ATR: variants seen among roughly 807,000 people sequenced by gnomAD.
The protein encoded by ATR is serine/threonine-protein kinase ATR.
A neutral mutation model predicts 305.3 loss-of-function variants in ATR; 142 were observed. The ratio of observed to expected loss-of-function variants is 0.47; its 90% CI spans 0.41 to 0.53. The LOEUF is 0.53. Ranked by LOEUF, ATR falls within the 20% of genes least tolerant of loss-of-function variation. ATR has a pLI of 0.00. For missense variants in ATR, 2,135 were observed against 3,133.1 expected, an observed-to-expected ratio of 0.68 and a Z score of 7.60; for synonymous variants, 1,050 against 1,068.1, an observed-to-expected ratio of 0.98 and a Z score of 0.33.
intron 21 of ATR, among the ~76,000 whole-genome samples, chr3:142,534,104 C>A (rs1343393813): frequency 6.6e-6 from 1 of 151,998 alleles, no homozygotes; most frequent in Non-Finnish European, 1.5e-5. Flanking sequence ...ATTCATAAAT[C>A]TCTGTATTAA....
intron 21 of ATR, among the ~76,000 whole-genome samples, chr3:142,527,066 G>A (rs1287815213): frequency 6.6e-6 from 1 of 152,142 alleles, no homozygotes; most frequent in East Asian, 1.9e-4. Context: ...TGGGATTACA[G>A]GCATGAGCCA....
intron 45 of ATR, 90 bp downstream of exon 45, chr3:142,457,514 A>C (rs1332250443): frequency 1.3e-6 from 2 of 1,486,996 alleles, no homozygotes; most frequent in African/African-American, 1.4e-5. Context: ...GTCAGTACAA[A>C]GTGGTTTCTA....
At chr3:142,472,317 T>C (rs1385510784) in intron 36 of ATR, 1 of 152,214 alleles carries the variant, frequency 6.6e-6, no homozygotes, top group Non-Finnish European at 1.5e-5. Flanking sequence ...ATGATATTTC[T>C]ATTTTTAATT....
chr3:142,556,516 G>A lies in ATR; in HGVS notation c.1945C>T (p.Leu649Phe). The change falls in exon 9 of 47, where the codon CTT (leucine) becomes TTT (phenylalanine). Residue 649 changes from leucine (L) to phenylalanine (F), a missense_variant. Transcript: ENST00000350721. ...LLTLFPRRIF[L>F]EWRTAVYNWA... ...TTGTAAACTGCTGTTCTCCACTCAA[G>A]GAATATTCTTCTTGGAAACAGAGTC... is the stretch of plus-strand genomic sequence containing the variant. 6.2e-7 allele frequency: 1 copy of A among 1,613,974 alleles called. No homozygotes were observed. Among genetic ancestry groups the A allele is most frequent in the Non-Finnish European group, 8.5e-7 (1 of 1,179,978 alleles).
At chr3:142,525,493 C>T (rs369285524) in intron 21 of ATR, among the ~76,000 whole-genome samples, 5 of 151,850 alleles carry the variant, frequency 3.3e-5, no homozygotes. Flanking sequence ...CTAAGGAGAA[C>T]TGAAATCGTT....
At chr3:142,535,998 G>T in intron 20 of ATR, 110 bp downstream of exon 20, 1 of 783,756 alleles carries the variant, frequency 1.3e-6, no homozygotes, top group Non-Finnish European at 2.2e-6. Context: ...ATCAGAATAG[G>T]ACTATATTAT....
chr3:142,559,869 C>G (rs991384776), intron 6 of ATR, among the ~76,000 whole-genome samples: 1 of 152,176 alleles, frequency 6.6e-6, no homozygotes, highest in African/African-American at 2.4e-5. Context: ...GTGCACCAGC[C>G]TGGGAGACAA....
intron 21 of ATR, among the ~76,000 whole-genome samples, chr3:142,525,126 C>A (rs186820706): frequency 2.0e-5 from 3 of 152,288 alleles, no homozygotes; most frequent in African/African-American, 4.8e-5. Context: ...TCCCCACCCC[C>A]ACACATACAC....
At chr3:142,471,015 T>G (rs186862441) in intron 36 of ATR, among the ~76,000 whole-genome samples, 150 of 152,286 alleles carry the variant, frequency 9.8e-4, no homozygotes, top group Non-Finnish European at 2.0e-3. Context: ...ACATTCACAT[T>G]GTTGCGTAAT....
intron 24 of ATR, among the ~76,000 whole-genome samples, chr3:142,517,751 T>C (rs1436139535): frequency 6.6e-6 from 1 of 152,186 alleles, no homozygotes; most frequent in Admixed American, 6.5e-5. Flanking sequence ...ATGAAAAACA[T>C]GACAAGTAGG....
rs767959749 is a variant in ATR at position 142,559,393 on chromosome 3, T to C, written c.1590A>G (p.Val530=). Residue 530 remains valine (V), a synonymous_variant, in exon 7 of 47, where the codon GTA becomes GTG. Transcript: ENST00000350721. ...AATCCAATGACATCCAAGTTATCAC[T>C]ACAGAAGGTTTCTTCTTGGATTTAT... ...CQHKSKKKPS[V]VITWMSLDFY... 2.5e-6 allele frequency: 4 copies of C among 1,613,842 alleles called. No individual in the cohort carries two copies. The African/African-American group carries it at 4.0e-5, about 16-fold the overall frequency.
At chr3:142,535,304 C>A (rs888112122) in intron 20 of ATR, 99 bp from the exon 21 acceptor site, 10 of 1,373,428 alleles carry the variant, frequency 7.3e-6, no homozygotes, top group South Asian at 1.3e-5. Flanking sequence ...TTAAACTATA[C>A]CAAACCAATT....
chr3:142,467,460 C>T (rs986167979), intron 39 of ATR, among the ~76,000 whole-genome samples: 3 of 152,216 alleles, frequency 2.0e-5, no homozygotes, highest in East Asian at 3.9e-4. Context: ...TAGTGCTTGT[C>T]CCCTCATAGG....
Position 142,515,429 on chromosome 3 carries a change from C to A in ATR, c.4469G>T (p.Trp1490Leu). 1 of 1,613,838 alleles carries A rather than the reference C, an allele frequency of 6.2e-7. No individual in the cohort carries two copies. Among genetic ancestry groups the A allele is most frequent in the South Asian group, 1.1e-5 (1 of 91,060 alleles). Residue 1490 changes from tryptophan to leucine, a missense_variant, in exon 25 of 47, where the codon TGG becomes TTG. Trp to Leu is a moderately conservative substitution (Grantham distance 61). This residue lies in a region of ATR where 202 missense variants were observed against 252.9 expected (regional missense o/e 0.80). Coordinates refer to ENST00000350721, the MANE Select transcript of ATR (RefSeq NM_001184.4). ...LSKLGSNFAE[W>L]SASWAGYLIT... ...AAGATAACCTGCCCAAGATGCTGAC[C>A]ATTCTGCAAAGTTACTACCCAATTT...
intron 36 of ATR, among the ~76,000 whole-genome samples, chr3:142,481,630 A>G (rs1242763328): frequency 2.6e-5 from 4 of 152,130 alleles, no homozygotes; most frequent in Admixed American, 2.6e-4. Context: ...AGCTGGGACC[A>G]TGGTTGTACA....
intron 46 of ATR, chr3:142,451,727 G>T: frequency 8.6e-7 from 1 of 1,167,182 alleles, no homozygotes; most frequent in Non-Finnish European, 1.1e-6. Flanking sequence ...CTACAGGAGT[G>T]TGCCACTGAG....
In ATR at chr3:142,551,280, A is replaced by T. The variant is rs113759169; in HGVS notation, c.2806-978T>A. On this transcript the variant is annotated intron_variant, in intron 13 of 46. Coordinates refer to ENST00000350721, the MANE Select transcript of ATR (RefSeq NM_001184.4). ...CTCTACAGATAAATAAATAAAAATT[A>T]GCTAGGTGTGGTGGTGCACACCTGT... Among the ~76,000 whole-genome samples, 276 of 152,178 alleles carry T rather than the reference A, an allele frequency of 1.8e-3. 2 individuals carry two copies. The highest frequency in any genetic ancestry group is 6.4e-3 in the African/African-American group (266 of 41,522).
intron 36 of ATR, among the ~76,000 whole-genome samples, chr3:142,481,727 C>G (rs2030501136): frequency 6.6e-6 from 1 of 152,136 alleles, no homozygotes; most frequent in African/African-American, 2.4e-5. Flanking sequence ...TGGGCTCAAG[C>G]AATCCTTCCA....
chr3:142,544,196 G>A (rs756716584), intron 16 of ATR, among the ~76,000 whole-genome samples: 7 of 151,898 alleles, frequency 4.6e-5, no homozygotes, highest in Non-Finnish European at 7.4e-5. Flanking sequence ...GGTGGCTCAC[G>A]CCTATAATCC....
Sources: gnomAD v4.1 joint callset for allele counts (sites outside exome capture counted in the v4.1 genomes callset) on GRCh38, gnomAD v4.1.1 for gene constraint, gnomAD v4.1.1 regional missense constraint, MANE v1.5 for transcripts, NCBI Gene and HGNC (gene_info 2026-07-23, HGNC 2026-07-21) for gene names.